Variants in ANKS1B observed in about 807,000 individuals in gnomAD.
The protein encoded by ANKS1B is ankyrin repeat and sterile alpha motif domain-containing protein 1B.
A neutral mutation model predicts 148.3 loss-of-function variants in ANKS1B; 36 were observed. That is an observed-to-expected ratio of 0.24 (90% CI 0.19 to 0.32). The LOEUF is 0.32. Ranked by LOEUF, ANKS1B falls within the 10% of genes least tolerant of loss-of-function variation. The pLI, the probability that ANKS1B is intolerant of heterozygous loss-of-function variation, is 1.00. For missense variants in ANKS1B, 1,157 were observed against 1,542.6 expected (o/e 0.75, Z 4.19); for synonymous variants, 542 against 560.8 (o/e 0.97, Z 0.47).
intron 17 of ANKS1B, among the ~76,000 whole-genome samples, chr12:98,902,183 T>C (rs2099773048): frequency 6.6e-6 from 1 of 152,214 alleles, no homozygotes; most frequent in Non-Finnish European, 1.5e-5. Flanking sequence ...ACCTAGGGAC[T>C]TCTTTTGTTA....
chr12:99,369,784 A>G (rs1161161768), intron 12 of ANKS1B, among the ~76,000 whole-genome samples: 3 of 144,282 alleles, frequency 2.1e-5, no homozygotes, highest in East Asian at 4.9e-4. Context: ...ATAGATAGAT[A>G]GATAGATGGA....
At chr12:99,562,003 C>A (rs1021118006) in intron 9 of ANKS1B, among the ~76,000 whole-genome samples, 4 of 152,180 alleles carry the variant, frequency 2.6e-5, no homozygotes, top group African/African-American at 9.7e-5. Context: ...CTAAGTTAAT[C>A]CTTGATCCAC....
chr12:99,286,954 C>T (rs1049818103), intron 12 of ANKS1B, among the ~76,000 whole-genome samples: 1 of 152,196 alleles, frequency 6.6e-6, no homozygotes, highest in Non-Finnish European at 1.5e-5. Flanking sequence ...TTTCTTGTCC[C>T]ACTCTGGGCC....
chr12:99,134,680 C>T (rs1000922687), intron 15 of ANKS1B, among the ~76,000 whole-genome samples: 1 of 150,604 alleles, frequency 6.6e-6, no homozygotes, highest in African/African-American at 2.4e-5. Context: ...CACACACACA[C>T]ACACACACAC....
chr12:99,443,635 C>T (rs761117190), intron 11 of ANKS1B, 38 bp downstream of exon 11: 2 of 1,605,420 alleles, frequency 1.2e-6, no homozygotes, highest in Admixed American at 3.4e-5. Flanking sequence ...CAAATCAAAA[C>T]ACATTAGAGG....
chr12:98,743,529 C>T (rs1282077431), downstream of ANKS1B, among the ~76,000 whole-genome samples: 4 of 151,468 alleles, frequency 2.6e-5, no homozygotes, highest in Non-Finnish European at 5.9e-5. Context: ...AATGCATGGG[C>T]CGCCTCTCAT....
intron 12 of ANKS1B, among the ~76,000 whole-genome samples, chr12:99,267,545 A>G (rs1352520034): frequency 6.9e-6 from 1 of 145,822 alleles, no homozygotes; most frequent in East Asian, 2.0e-4. Context: ...TAAGAAAATA[A>G]AGATTATTTG....
chr12:99,940,014 A>G (rs547203912), intron 1 of ANKS1B, among the ~76,000 whole-genome samples: 1 of 152,338 alleles, frequency 6.6e-6, no homozygotes, highest in East Asian at 1.9e-4. Context: ...ACTTTCATTG[A>G]CAATTTAGGT....
At chr12:99,093,707 A>C (rs1301878053) in intron 15 of ANKS1B, 2 of 152,154 alleles carry the variant, frequency 1.3e-5, no homozygotes, top group African/African-American at 4.8e-5. Flanking sequence ...AGAAGTGTAG[A>C]CCTGTCAAAA....
At chr12:99,868,921 G>A (rs1308164062) in intron 1 of ANKS1B, among the ~76,000 whole-genome samples, 1 of 152,096 alleles carries the variant, frequency 6.6e-6, no homozygotes, top group African/African-American at 2.4e-5. Context: ...GCCGGGCATG[G>A]TGGCAGGCTC....
chr12:98,819,177 G>C (rs1331993930), intron 19 of ANKS1B, among the ~76,000 whole-genome samples: 1 of 152,200 alleles, frequency 6.6e-6, no homozygotes, highest in Admixed American at 6.5e-5. Context: ...TATTGGATGA[G>C]TAACTTTATA....
chr12:99,843,274 T>C (rs1808240733), intron 1 of ANKS1B, among the ~76,000 whole-genome samples: 3 of 152,242 alleles, frequency 2.0e-5, no homozygotes, highest in Non-Finnish European at 2.9e-5. Flanking sequence ...TCTATTACCA[T>C]TGTAATTCCT....
intron 17 of ANKS1B, among the ~76,000 whole-genome samples, chr12:98,916,417 T>A (rs2099794523): frequency 6.6e-6 from 1 of 152,204 alleles, no homozygotes; most frequent in Non-Finnish European, 1.5e-5. Context: ...GGCGGCAGTC[T>A]ATCCAACACC....
intron 17 of ANKS1B, among the ~76,000 whole-genome samples, chr12:99,023,123 C>T (rs918056719): frequency 1.3e-5 from 2 of 152,026 alleles, no homozygotes; most frequent in Non-Finnish European, 2.9e-5. Context: ...TAATAGTTGG[C>T]CAATATACCA....
In ANKS1B at chr12:99,051,741, G is replaced by T. The variant is rs779727668; in HGVS notation, c.2778+1416C>A. ...AGAAAGTTAAGAAAGAGTTACTTAT[G>T]GCCATACAATCACATTAATTTGTCT... On this transcript the variant is annotated intron_variant, in intron 17 of 26. Transcript: ENST00000683438. 6.2e-4 allele frequency among the ~76,000 whole-genome samples: 95 copies of T among 152,236 alleles called. 1 individual carries two copies. The highest frequency in any genetic ancestry group is 3.4e-4 in the Non-Finnish European group (23 of 68,012).
chr12:99,680,867 C>T (rs373194327), intron 8 of ANKS1B, among the ~76,000 whole-genome samples: 3 of 152,192 alleles, frequency 2.0e-5, no homozygotes, highest in East Asian at 1.9e-4. Flanking sequence ...AGGCCCGTCA[C>T]TGCCAGCTTT....
intron 12 of ANKS1B, among the ~76,000 whole-genome samples, chr12:99,373,820 G>A (rs541213959): frequency 2.5e-4 from 38 of 152,190 alleles, no homozygotes; most frequent in African/African-American, 8.9e-4. Context: ...CTTTGAGAAA[G>A]GGTGGACTGG....
intron 10 of ANKS1B, among the ~76,000 whole-genome samples, chr12:99,493,347 AAAG>A (rs2096572405): frequency 6.6e-6 from 1 of 152,208 alleles, no homozygotes; most frequent in African/African-American, 2.4e-5. Context: ...ACATTTCTAC[AAAG>A]AAGATACAAT....
intron 15 of ANKS1B, among the ~76,000 whole-genome samples, chr12:99,144,219 G>A (rs1007000330): frequency 6.6e-6 from 1 of 151,940 alleles, no homozygotes; most frequent in African/African-American, 2.4e-5. Flanking sequence ...GTGTAAGGAT[G>A]GAACCCAAAT....
Sources: gnomAD v4.1 joint callset for allele counts (sites outside exome capture counted in the v4.1 genomes callset) on GRCh38, gnomAD v4.1.1 for gene constraint, MANE v1.5 for transcripts, NCBI Gene and HGNC (gene_info 2026-07-23, HGNC 2026-07-21) for gene names.